GFRAL: variants seen among roughly 807,000 people sequenced by gnomAD.
The protein encoded by GFRAL is GDNF family receptor alpha-like.
GFRAL carries 36 observed loss-of-function variants against 45.4 expected under a neutral mutation model. The ratio of observed to expected loss-of-function variants is 0.79; its 90% confidence interval spans 0.61 to 1.05. The LOEUF (loss-of-function observed/expected upper bound fraction) is 1.05, where lower values mean the gene tolerates loss of function less well. Ranked by LOEUF, GFRAL falls within the 50% of genes least tolerant of loss-of-function variation. GFRAL has a pLI of 0.00. For missense variants in GFRAL, 507 were observed against 467.5 expected (o/e 1.08, Z -0.78); for synonymous variants, 166 against 154.1 (o/e 1.08, Z -0.57).
intron 3 of GFRAL, among the ~76,000 whole-genome samples, chr6:55,347,808 C>T (rs1768063319): frequency 6.6e-6 from 1 of 152,080 alleles, no homozygotes; most frequent in Middle Eastern, 3.4e-3. Context: ...TGATTCTTCT[C>T]AGTCTCTTTT....
At chr6:55,391,019 T>G (rs1201468535) in intron 6 of GFRAL, among the ~76,000 whole-genome samples, 1 of 151,902 alleles carries the variant, frequency 6.6e-6, no homozygotes, top group Non-Finnish European at 1.5e-5. Context: ...TAAAAAAATA[T>G]AATCTATCGC....
At chr6:55,384,563 A>C (rs1005324538) in intron 6 of GFRAL, among the ~76,000 whole-genome samples, 5 of 152,108 alleles carry the variant, frequency 3.3e-5, no homozygotes, top group Non-Finnish European at 5.9e-5. Context: ...GATTTTCAGC[A>C]TCAAGCACAC....
intron 6 of GFRAL, among the ~76,000 whole-genome samples, chr6:55,360,235 G>A (rs931177867): frequency 2.6e-5 from 4 of 151,870 alleles, no homozygotes; most frequent in East Asian, 2.0e-4. Flanking sequence ...AACCTTCGAC[G>A]TCCCCAAACT....
chr6:55,341,610 G>A (rs749925824), intron 3 of GFRAL, among the ~76,000 whole-genome samples: 1 of 152,140 alleles, frequency 6.6e-6, no homozygotes, highest in Non-Finnish European at 1.5e-5. Context: ...CTAAAAATCA[G>A]AGCAACTCTC....
At chr6:55,359,405 A>C (rs930142121) in intron 6 of GFRAL, among the ~76,000 whole-genome samples, 1 of 152,066 alleles carries the variant, frequency 6.6e-6, no homozygotes, top group African/African-American at 2.4e-5. Flanking sequence ...AAAGCATAGA[A>C]GGTTTATTCT....
intron 6 of GFRAL, among the ~76,000 whole-genome samples, chr6:55,377,189 C>G (rs1195946187): frequency 6.6e-6 from 1 of 152,012 alleles, no homozygotes; most frequent in African/African-American, 2.4e-5. Flanking sequence ...CGGTCTCCAT[C>G]TTTCCAGCCC....
rs142171356 is a variant in GFRAL at position 55,351,396 on chromosome 6, C to A, written c.514C>A (p.Arg172=). The A allele has an allele frequency of 1.9e-6, 3 of 1,613,632 alleles. No individual in the cohort carries two copies. The highest frequency in any genetic ancestry group is 4.5e-5 in the East Asian group (2 of 44,846). Residue 172 remains arginine (R), a synonymous_variant, in exon 5 of 9, where the codon CGG becomes AGG. Transcript: ENST00000340465. ...TCTGAAACAGTGCCAAGCAGCCATA[C>A]GGTTCTTCTATCAAAATATACCTTT... ...CDLKQCQAAI[R]FFYQNIPFNI...
chr6:55,329,508 A>T (rs779754749), intron 1 of GFRAL, among the ~76,000 whole-genome samples: 2 of 152,130 alleles, frequency 1.3e-5, no homozygotes, highest in Non-Finnish European at 2.9e-5. Flanking sequence ...CCATTTTCTT[A>T]TAAGTTGAGT....
Position 55,399,247 on chromosome 6 carries a change from T to G in GFRAL, c.1020T>G (p.Thr340=), listed in dbSNP as rs1768865203. ...LYTRKHANKI[T]LTGFHSPFNG... ...CAAGAAAACATGCAAACAAAATCAC[T>G]TTAACTGGATTTCATTCCCCCTTCA... Residue 340 remains threonine, a synonymous_variant, in exon 7 of 9, where the codon ACT becomes ACG. Transcript: ENST00000340465. The G allele has an allele frequency of 6.2e-7, 1 of 1,604,038 alleles. No homozygotes were observed. The highest frequency in any genetic ancestry group is 1.3e-5 in the African/African-American group (1 of 74,704).
intron 5 of GFRAL, among the ~76,000 whole-genome samples, chr6:55,356,581 T>C (rs1018765984): frequency 1.3e-5 from 2 of 151,954 alleles, no homozygotes; most frequent in African/African-American, 4.8e-5. Context: ...TGATTTCATT[T>C]ATTGAGGTCT....
intron 2 of GFRAL, among the ~76,000 whole-genome samples, chr6:55,332,501 C>G (rs12200789): frequency 0.063 from 9,606 of 151,836 alleles, 334 homozygotes; most frequent in South Asian, 0.17. Context: ...CTCACTGCAA[C>G]CTCCGCCTCC....
chr6:55,334,714 C>T (rs1263405001), intron 3 of GFRAL, among the ~76,000 whole-genome samples: 1 of 152,156 alleles, frequency 6.6e-6, no homozygotes, highest in Admixed American at 6.5e-5. Context: ...ATTCAACCAT[C>T]CGTTGTGGGC....
intron 6 of GFRAL, among the ~76,000 whole-genome samples, chr6:55,363,141 AAG>A (rs1562056817): frequency 6.6e-6 from 1 of 152,044 alleles, no homozygotes; most frequent in African/African-American, 2.4e-5. Flanking sequence ...ACAAAAAAAA[AAG>A]CATGTGATAC....
intron 6 of GFRAL, among the ~76,000 whole-genome samples, chr6:55,368,886 T>C (rs1768405963): frequency 1.3e-5 from 2 of 152,076 alleles, no homozygotes; most frequent in South Asian, 4.1e-4. Flanking sequence ...AGGTTACTGC[T>C]GTCTTTTTGT....
At chr6:55,343,953 C>A (rs1768004996) in intron 3 of GFRAL, among the ~76,000 whole-genome samples, 1 of 152,090 alleles carries the variant, frequency 6.6e-6, no homozygotes, top group Admixed American at 6.5e-5. Context: ...GGATAAATTC[C>A]TGGATGCATA....
At chr6:55,331,976 A>G in intron 2 of GFRAL, 127 bp downstream of exon 2, 1 of 802,564 alleles carries the variant, frequency 1.2e-6, no homozygotes, top group Non-Finnish European at 1.9e-6. Flanking sequence ...CTTGACCCCC[A>G]TCGATTCACT....
intron 6 of GFRAL, among the ~76,000 whole-genome samples, chr6:55,383,828 A>G (rs1768645522): frequency 6.6e-6 from 1 of 151,998 alleles, no homozygotes; most frequent in Non-Finnish European, 1.5e-5. Context: ...TGATGCTGAA[A>G]TTGCTTGTCC....
intron 3 of GFRAL, among the ~76,000 whole-genome samples, chr6:55,346,156 A>G (rs1029132572): frequency 6.6e-6 from 1 of 152,286 alleles, no homozygotes; most frequent in Non-Finnish European, 1.5e-5. Context: ...ATCTAGAACT[A>G]GAAATACCAT....
chr6:55,335,120 T>G (rs1254322159), intron 3 of GFRAL, among the ~76,000 whole-genome samples: 3 of 152,178 alleles, frequency 2.0e-5, no homozygotes, highest in Non-Finnish European at 4.4e-5. Context: ...TAATCATCAA[T>G]GTATAAAAGT....
Sources: allele counts gnomAD v4.1 joint callset (sites outside exome capture counted in the v4.1 genomes callset), GRCh38; gene constraint gnomAD v4.1.1; transcripts MANE v1.5; gene names NCBI Gene and HGNC (gene_info 2026-07-23, HGNC 2026-07-21).